The following AGBL4 variants were observed in gnomAD, a reference collection of about 807,000 sequenced individuals.
AGBL4 encodes cytosolic carboxypeptidase 6.
A neutral mutation model predicts 66.4 loss-of-function variants in AGBL4; 58 were observed. The observed-to-expected ratio is 0.87, with a 90% CI of 0.71 to 1.09. The LOEUF is 1.09. Among genes scored for constraint, AGBL4 ranks in the 50% least tolerant of loss-of-function variants. AGBL4 has a pLI of 0.00. For missense variants in AGBL4, 579 were observed against 631.0 expected, an observed-to-expected ratio of 0.92 and a Z score of 0.88; for synonymous variants, 234 against 222.9, an observed-to-expected ratio of 1.05 and a Z score of -0.44.
intron 5 of AGBL4, among the ~76,000 whole-genome samples, chr1:48,947,680 CCTCAAAACG>C (rs1302916732): frequency 2.4e-4 from 36 of 152,278 alleles, no homozygotes; most frequent in African/African-American, 8.7e-4. Context: ...TTTTCCTACT[CCTCAAAACG>C]TAACATACTC....
At chr1:49,449,458 T>G (rs1646230083) in intron 3 of AGBL4, among the ~76,000 whole-genome samples, 1 of 152,060 alleles carries the variant, frequency 6.6e-6, no homozygotes, top group Non-Finnish European at 1.5e-5. Context: ...GGAACATGTG[T>G]GTCCATCTCA....
At chr1:48,865,520 T>A (rs1209290585) in intron 6 of AGBL4, among the ~76,000 whole-genome samples, 1 of 152,168 alleles carries the variant, frequency 6.6e-6, no homozygotes, top group Non-Finnish European at 1.5e-5. Context: ...AGAGGAGGGA[T>A]AATAATGAAC....
At chr1:48,563,011 T>C (rs1478619272) in intron 11 of AGBL4, among the ~76,000 whole-genome samples, 1 of 152,202 alleles carries the variant, frequency 6.6e-6, no homozygotes, top group Non-Finnish European at 1.5e-5. Flanking sequence ...ATTTCACCAC[T>C]AGGATACTCC....
intron 5 of AGBL4, among the ~76,000 whole-genome samples, chr1:49,023,508 T>G (rs1404618649): frequency 6.6e-6 from 1 of 152,150 alleles, no homozygotes; most frequent in East Asian, 1.9e-4. Context: ...ATCTCCAAAA[T>G]ACTATGATTT....
chr1:49,021,488 T>A (rs1663247005), intron 5 of AGBL4, among the ~76,000 whole-genome samples: 1 of 152,068 alleles, frequency 6.6e-6, no homozygotes, highest in Admixed American at 6.5e-5. Flanking sequence ...ATTAGTGCCT[T>A]TAAAAGGAAC....
At chr1:49,625,858 G>T (rs1452019196) in intron 3 of AGBL4, among the ~76,000 whole-genome samples, 1 of 152,088 alleles carries the variant, frequency 6.6e-6, no homozygotes, top group Non-Finnish European at 1.5e-5. Context: ...CAACAAAGGG[G>T]AATTTAAGGG....
At chr1:48,535,804 G>C (rs994722134) in intron 12 of AGBL4, among the ~76,000 whole-genome samples, 7 of 152,120 alleles carry the variant, frequency 4.6e-5, no homozygotes, top group African/African-American at 1.7e-4. Context: ...TTTGGTAGGA[G>C]AGGAACTTCT....
At chr1:49,146,654 A>G (rs1646223793) in intron 4 of AGBL4, among the ~76,000 whole-genome samples, 1 of 152,216 alleles carries the variant, frequency 6.6e-6, no homozygotes, top group African/African-American at 2.4e-5. Flanking sequence ...GTCTCATTTC[A>G]TCAGATATAC....
intron 7 of AGBL4, among the ~76,000 whole-genome samples, chr1:48,659,218 T>G (rs1646069115): frequency 6.8e-6 from 1 of 147,524 alleles, no homozygotes; most frequent in Admixed American, 6.7e-5. Context: ...GACCTACAAC[T>G]GTCTCATTAA....
Position 48,864,620 on chromosome 1 carries a change from G to A in AGBL4, c.634+2571C>T, listed in dbSNP as rs143732439. Among the ~76,000 whole-genome samples, 608 of 152,228 alleles carry A rather than the reference G, an allele frequency of 4.0e-3. 3 individuals carry two copies. The highest frequency in any genetic ancestry group is 0.014 in the African/African-American group (574 of 41,548). ...CAGAGCTATGTGTTTCAATATAAGT[G>A]AATCTCTACAATATAATCATGAGTA... On this transcript the variant is annotated intron_variant, in intron 6 of 13. Transcript: ENST00000371839.
At chr1:49,678,349 G>A (rs1646621324) in intron 3 of AGBL4, among the ~76,000 whole-genome samples, 2 of 151,770 alleles carry the variant, frequency 1.3e-5, no homozygotes. Flanking sequence ...GTCTTTTTGT[G>A]TTTTCATCAG....
At chr1:49,802,861 A>G (rs1326630084) in intron 2 of AGBL4, among the ~76,000 whole-genome samples, 1 of 152,162 alleles carries the variant, frequency 6.6e-6, no homozygotes, top group East Asian at 1.9e-4. Context: ...TCCCACAATA[A>G]TCTTCTACCA....
intron 1 of AGBL4, among the ~76,000 whole-genome samples, chr1:49,917,700 T>C (rs12031364): frequency 0.68 from 103,800 of 151,918 alleles, 36,174 homozygotes; most frequent in African/African-American, 0.77. Context: ...ACAAGGATAC[T>C]CAGGAATTAA....
intron 3 of AGBL4, among the ~76,000 whole-genome samples, chr1:49,593,883 A>G (rs1644801385): frequency 6.6e-6 from 1 of 152,332 alleles, no homozygotes; most frequent in Admixed American, 6.5e-5. Flanking sequence ...TTCAAAAAAT[A>G]TAGAGAGTAT....
At chr1:49,597,198 G>A (rs1644869136) in intron 3 of AGBL4, among the ~76,000 whole-genome samples, 1 of 152,148 alleles carries the variant, frequency 6.6e-6, no homozygotes, top group Non-Finnish European at 1.5e-5. Context: ...GATAAGAACT[G>A]TTTGTAGTGC....
At chr1:49,837,371 C>G (rs946294416) in intron 2 of AGBL4, among the ~76,000 whole-genome samples, 7 of 152,162 alleles carry the variant, frequency 4.6e-5, no homozygotes, top group African/African-American at 9.7e-5. Flanking sequence ...GGACCAGAAC[C>G]CTCTTTCCAA....
intron 1 of AGBL4, among the ~76,000 whole-genome samples, chr1:49,932,205 C>T (rs1653436322): frequency 1.3e-5 from 2 of 152,022 alleles, no homozygotes; most frequent in Non-Finnish European, 2.9e-5. Context: ...ACTAGACATA[C>T]ATGGTCAGTT....
At chr1:49,615,217 G>A (rs571390751) in intron 3 of AGBL4, among the ~76,000 whole-genome samples, 1 of 152,234 alleles carries the variant, frequency 6.6e-6, no homozygotes, top group East Asian at 1.9e-4. Flanking sequence ...TTCCAAAGGA[G>A]AGGGCAAAGG....
intron 4 of AGBL4, among the ~76,000 whole-genome samples, chr1:49,240,556 T>C (rs1008681180): frequency 6.6e-6 from 1 of 151,146 alleles, no homozygotes; most frequent in Middle Eastern, 3.4e-3. Context: ...ATTTTCTTTT[T>C]TTTTTTTTTT....
Sources: allele counts gnomAD v4.1 joint callset (sites outside exome capture counted in the v4.1 genomes callset), GRCh38; gene constraint gnomAD v4.1.1; transcripts MANE v1.5; gene names NCBI Gene and HGNC (gene_info 2026-07-23, HGNC 2026-07-21).